SCN9A: variants seen among roughly 807,000 people sequenced by gnomAD.
The protein encoded by SCN9A is sodium voltage-gated channel alpha subunit 9, also known as sodium channel protein type 9 subunit alpha.
In SCN9A, 131 loss-of-function variants were observed where a neutral mutation model predicts 187.0. The ratio of observed to expected loss-of-function variants is 0.70; its 90% CI spans 0.61 to 0.81. The LOEUF (loss-of-function observed/expected upper bound fraction) is 0.81. Among genes scored for constraint, SCN9A ranks in the 30% least tolerant of loss-of-function variants. The pLI, the probability that SCN9A is intolerant of heterozygous loss-of-function variation, is 0.00. For missense variants in SCN9A, 2,252 were observed against 2,396.6 expected, an observed-to-expected ratio of 0.94 and a Z score of 1.26; for synonymous variants, 809 against 808.6, an observed-to-expected ratio of 1.00 and a Z score of -0.01.
chr2:166,236,018 GATA>G (rs1451665659), intron 20 of SCN9A, among the ~76,000 whole-genome samples: 10 of 151,824 alleles, frequency 6.6e-5, no homozygotes, highest in Non-Finnish European at 4.4e-5. Flanking sequence ...GTGTATTTGT[GATA>G]ATATTTTAAA....
In SCN9A at chr2:166,207,428, TTTG is replaced by T. The variant is rs61122536; in HGVS notation, c.4399-2967_4399-2965del. 3.5e-3 allele frequency among the ~76,000 whole-genome samples: 529 copies of T among 150,166 alleles called. 2 individuals carry two copies. The highest frequency in any genetic ancestry group is 0.012 in the African/African-American group (480 of 40,868). On this transcript the variant is annotated intron_variant, in intron 24 of 26. Transcript: ENST00000642356. ...ACTTCCCTTTCTGCCTTAGAGTGTT[TTTG>T]TTGTTGTTGTTGTTGTTGTTGTTGT...
chr2:166,245,053 A>G (rs116017241), intron 18 of SCN9A, among the ~76,000 whole-genome samples: 4,194 of 152,166 alleles, frequency 0.028, 85 homozygotes, highest in Middle Eastern at 0.051. Flanking sequence ...TCACTGATGA[A>G]TGAGTAAAGT....
At chr2:166,227,960 C>T (rs538967340) in intron 22 of SCN9A, among the ~76,000 whole-genome samples, 8 of 152,198 alleles carry the variant, frequency 5.3e-5, no homozygotes, top group South Asian at 2.1e-4. Flanking sequence ...CTGTGAATTT[C>T]GCACATAACC....
In SCN9A at chr2:166,198,721, C is replaced by G. The variant is rs771903438; in HGVS notation, c.5918G>C (p.Arg1973Thr). 1.2e-6 allele frequency: 2 copies of G among 1,612,278 alleles called. No individual in the cohort carries two copies. The highest frequency in any genetic ancestry group is 1.7e-6 in the Non-Finnish European group (2 of 1,179,252). The change falls in exon 27 of 27, where the codon AGA becomes ACA. Residue 1973 changes from arginine to threonine, a missense_variant. By Grantham distance (71) the Arg-to-Thr change is moderately conservative (BLOSUM62 -1). Transcript: ENST00000642356. Reference sequence around the variant, plus strand: ...TTTCCCTTTGTCTTCCTTTTCTGTTCTGTCTTGTTCATATTTCTCTTTGTC... The same window carrying G: ...TTTCCCTTTGTCTTCCTTTTCTGTTGTGTCTTGTTCATATTTCTCTTTGTC... ...KPDKEKYEQD[R>T]TEKEDKGKDS...
intron 1 of SCN9A, among the ~76,000 whole-genome samples, chr2:166,325,499 C>A (rs1484978899): frequency 1.3e-5 from 2 of 151,832 alleles, no homozygotes; most frequent in Non-Finnish European, 2.9e-5. Flanking sequence ...TGTCTGAGTC[C>A]TAATTATACT....
rs1000029298 is a variant in SCN9A, at chr2:166,355,537, G to A, written c.-51+20160C>T. 4.6e-5 allele frequency among the ~76,000 whole-genome samples: 7 copies of A among 151,564 alleles called. No homozygotes were observed. The East Asian group carries it at 5.8e-4, about 13-fold the overall frequency. ...TGTGTGTGTGGGTGTGTGTGCACAC[G>A]CTAAGGATATTGATACCTTTTCACA... On this transcript the variant is annotated intron_variant, in intron 1 of 26. Transcript: ENST00000642356.
chr2:166,262,784 A>G (rs1180256633), intron 17 of SCN9A, among the ~76,000 whole-genome samples: 1 of 151,990 alleles, frequency 6.6e-6, no homozygotes, highest in Non-Finnish European at 1.5e-5. Context: ...ACAAAGACGA[A>G]AATTATATAA....
intron 21 of SCN9A, among the ~76,000 whole-genome samples, chr2:166,230,747 C>T (rs10194106): frequency 0.8 from 121,864 of 152,022 alleles, 49,418 homozygotes; most frequent in Non-Finnish European, 0.86. Context: ...CTTTGGGGAC[C>T]GGGGTCTATG....
intron 7 of SCN9A, among the ~76,000 whole-genome samples, chr2:166,297,666 G>T (rs930039307): frequency 2.0e-5 from 3 of 151,732 alleles, no homozygotes. Context: ...TGGGAAAGAT[G>T]AAAATATTTT....
At chr2:166,264,608 A>G (rs1200412463) in intron 17 of SCN9A, among the ~76,000 whole-genome samples, 2 of 151,818 alleles carry the variant, frequency 1.3e-5, no homozygotes, top group African/African-American at 4.8e-5. Flanking sequence ...AAATATTTTG[A>G]TTTGATTCTG....
intron 1 of SCN9A, among the ~76,000 whole-genome samples, chr2:166,346,798 T>C (rs1450220834): frequency 2.0e-5 from 3 of 152,160 alleles, no homozygotes; most frequent in Admixed American, 2.0e-4. Context: ...ATATGATATA[T>C]AAAAGTACAT....
chr2:166,220,622 A>G (rs957410309), intron 24 of SCN9A, among the ~76,000 whole-genome samples: 29 of 152,170 alleles, frequency 1.9e-4, no homozygotes, highest in African/African-American at 6.5e-4. Flanking sequence ...AGTCTGTGGT[A>G]TTCTGTTATA....
At chr2:166,237,788 G>T (rs1695383508) in intron 20 of SCN9A, among the ~76,000 whole-genome samples, 2 of 151,792 alleles carry the variant, frequency 1.3e-5, no homozygotes, top group Non-Finnish European at 2.9e-5. Flanking sequence ...TTCTTAACAA[G>T]AATGACATTC....
Position 166,257,267 on chromosome 2 carries a change from A to G in SCN9A, c.3352-5382T>C, listed in dbSNP as rs577312635. On this transcript the variant is annotated intron_variant, in intron 17 of 26. Transcript: ENST00000642356. ...CAACAAGTAGGTAAAGAAGGATTGG[A>G]ACCTTAGCAAACATAAAGGCAAAGT... Among the ~76,000 whole-genome samples the G allele has an allele frequency of 5.3e-5, 8 of 151,752 alleles. No homozygotes were observed. In the South Asian group the frequency reaches 1.7e-3, roughly 31 times the overall value.
chr2:166,275,628 T>G (rs1158790026), intron 16 of SCN9A, among the ~76,000 whole-genome samples: 1 of 151,472 alleles, frequency 6.6e-6, no homozygotes, highest in Non-Finnish European at 1.5e-5. Flanking sequence ...TAGGAGCTTA[T>G]AAATACAAAA....
intron 1 of SCN9A, among the ~76,000 whole-genome samples, chr2:166,350,043 T>A (rs569027161): frequency 6.6e-6 from 1 of 152,224 alleles, no homozygotes; most frequent in African/African-American, 2.4e-5. Context: ...ATATTTCTCA[T>A]TTGAAAACTT....
At chr2:166,233,276 A>G (rs1329250987) in intron 21 of SCN9A, 64 bp downstream of exon 21, 2 of 1,205,138 alleles carry the variant, frequency 1.7e-6, no homozygotes, top group African/African-American at 1.6e-5. Context: ...CTACATACCC[A>G]TTGTTTTTAT....
intron 17 of SCN9A, among the ~76,000 whole-genome samples, chr2:166,270,762 G>GAT (rs60551465): frequency 0.11 from 15,789 of 143,488 alleles, 848 homozygotes; most frequent in Non-Finnish European, 0.12. Context: ...GCATTTTACT[G>GAT]ATATATATAT....
chr2:166,309,364 T>C (rs1026590621), intron 2 of SCN9A, among the ~76,000 whole-genome samples: 1 of 152,114 alleles, frequency 6.6e-6, no homozygotes, highest in Admixed American at 6.5e-5. Flanking sequence ...CACATGAGAG[T>C]TAATTATTAG....
Sources: gnomAD v4.1 joint callset for allele counts (sites outside exome capture counted in the v4.1 genomes callset) on GRCh38, gnomAD v4.1.1 for gene constraint, MANE v1.5 for transcripts, NCBI Gene and HGNC (gene_info 2026-07-23, HGNC 2026-07-21) for gene names.